The following SLC31A1 variants were observed in gnomAD, a reference collection of about 807,000 sequenced individuals.
The protein encoded by SLC31A1 is high affinity copper uptake protein 1.
Under a neutral mutation model 17.2 loss-of-function variants are expected in SLC31A1, and 5 were observed. That is an observed-to-expected ratio of 0.29 (90% CI 0.15 to 0.61). The LOEUF (loss-of-function observed/expected upper bound fraction) is 0.61. Ranked by LOEUF, SLC31A1 falls within the 20% of genes least tolerant of loss-of-function variation. The pLI, the probability that SLC31A1 is intolerant of heterozygous loss-of-function variation, is 0.86. For synonymous variants in SLC31A1, 76 were observed against 78.8 expected (o/e 0.96, Z 0.19); for missense variants, 161 against 241.4 (o/e 0.67, Z 2.21).
chr9:113,245,304 TCTCAAA>T lies in SLC31A1; in HGVS notation c.-35-10806_-35-10801del, dbSNP rs1831564676. On this transcript the variant is annotated intron_variant, in intron 1 of 4. Coordinates refer to ENST00000374212, the MANE Select transcript of SLC31A1 (RefSeq NM_001859.4). ...GGTTTCACCATGTTGGCCAGGCAGTTCTCAAACTCCTGACCTCAAGTGATCTACCCA... is the reference window on the plus strand; with the variant it reads ...GGTTTCACCATGTTGGCCAGGCAGTTCTCCTGACCTCAAGTGATCTACCCA... 5.3e-5 allele frequency among the ~76,000 whole-genome samples: 8 copies of T among 152,242 alleles called. No individual in the cohort carries two copies. The South Asian group carries it at 1.7e-3, about 32-fold the overall frequency.
Position 113,258,799 on chromosome 9 carries a change from A to G in SLC31A1, c.308A>G (p.Tyr103Cys), listed in dbSNP as rs375955349. 3.1e-6 allele frequency: 5 copies of G among 1,614,138 alleles called. No individual in the cohort carries two copies. In the African/African-American group the frequency reaches 4.0e-5, roughly 13 times the overall value. Reference sequence around the variant, plus strand: ...CGTAAGTCACAAGTCAGCATTCGCTACAATTCCATGCCTGTCCCAGGACCA... The same window carrying G: ...CGTAAGTCACAAGTCAGCATTCGCTGCAATTCCATGCCTGTCCCAGGACCA... ...LLRKSQVSIR[Y>C]NSMPVPGPNG... is the part of the protein sequence containing the mutation. Residue 103 changes from tyrosine to cysteine, a missense_variant, in exon 4 of 5, where the codon TAC (tyrosine) becomes TGC (cysteine). Transcript: ENST00000374212. This position sits in a 1 kb window ranked among gnomAD's most constrained non-coding sequence, Gnocchi z 4.8.
At chr9:113,235,224 A>T (rs1018759662) in intron 1 of SLC31A1, among the ~76,000 whole-genome samples, 3 of 152,220 alleles carry the variant, frequency 2.0e-5, no homozygotes, top group African/African-American at 7.2e-5. Flanking sequence ...CAATACATGT[A>T]TGAAAAAGTT....
chr9:113,255,626 G>A (rs1261218309), intron 1 of SLC31A1, among the ~76,000 whole-genome samples: 1 of 152,040 alleles, frequency 6.6e-6, no homozygotes, highest in Non-Finnish European at 1.5e-5. Flanking sequence ...TGAGGTTGAG[G>A]CTGTGGTGAG....
intron 1 of SLC31A1, among the ~76,000 whole-genome samples, chr9:113,232,922 A>G (rs1445369823): frequency 6.6e-6 from 1 of 152,186 alleles, no homozygotes; most frequent in Non-Finnish European, 1.5e-5. Flanking sequence ...GATTTGAGGA[A>G]TTGCACTTAT....
chr9:113,245,970 C>T (rs1831573390), intron 1 of SLC31A1, among the ~76,000 whole-genome samples: 1 of 151,784 alleles, frequency 6.6e-6, no homozygotes, highest in East Asian at 1.9e-4. Flanking sequence ...ATCAAGGTCT[C>T]CCCTTTGTTT....
intron 1 of SLC31A1, among the ~76,000 whole-genome samples, chr9:113,242,120 C>T (rs910414264): frequency 6.6e-6 from 1 of 151,888 alleles, no homozygotes; most frequent in Non-Finnish European, 1.5e-5. Flanking sequence ...ACCCGGGAGG[C>T]GGAGCTTGCG....
At chr9:113,235,896 G>A (rs971413362) in intron 1 of SLC31A1, among the ~76,000 whole-genome samples, 6 of 152,252 alleles carry the variant, frequency 3.9e-5, no homozygotes, top group Non-Finnish European at 7.3e-5. Context: ...AATATGAACA[G>A]TATGTTCTGG....
chr9:113,259,787 T>C (rs1564221686), intron 4 of SLC31A1, among the ~76,000 whole-genome samples: 1 of 151,986 alleles, frequency 6.6e-6, no homozygotes, highest in Non-Finnish European at 1.5e-5. Flanking sequence ...GGTTTCGCCA[T>C]GTTGCCCAGG....
In SLC31A1 at chr9:113,258,550, C is replaced by A; in HGVS notation, c.203-144C>A. On this transcript the variant is annotated intron_variant, in intron 3 of 4. Coordinates refer to ENST00000374212, the MANE Select transcript of SLC31A1 (RefSeq NM_001859.4). The surrounding 1 kb of genome is among the most constrained non-coding windows in gnomAD (Gnocchi z 4.8). ...TACACCATCTTAGCCGTTCTCCTATCTGAGCAAGAGAAGAGGTAAAAATAT... is the reference window on the plus strand; with the variant it reads ...TACACCATCTTAGCCGTTCTCCTATATGAGCAAGAGAAGAGGTAAAAATAT... 1 of 836,316 alleles carries A rather than the reference C, an allele frequency of 1.2e-6. No homozygotes were observed. Among genetic ancestry groups the A allele is most frequent in the Non-Finnish European group, 2.0e-6 (1 of 504,436 alleles). The allele number at this position is 836,316 out of a possible 1,614,324, so 51.8% of individuals were successfully genotyped here.
chr9:113,240,972 C>T (rs1317071897), intron 1 of SLC31A1, among the ~76,000 whole-genome samples: 2 of 151,302 alleles, frequency 1.3e-5, no homozygotes, highest in African/African-American at 4.9e-5. Context: ...ATCGCTTGAA[C>T]CCAGGAGGTG....
chr9:113,239,854 G>A (rs956698357), intron 1 of SLC31A1, among the ~76,000 whole-genome samples: 1 of 152,248 alleles, frequency 6.6e-6, no homozygotes, highest in African/African-American at 2.4e-5. Context: ...AAAGTGTTGG[G>A]ATTACAGGCG....
intron 1 of SLC31A1, among the ~76,000 whole-genome samples, chr9:113,248,827 C>G (rs1831614174): frequency 6.6e-6 from 1 of 152,068 alleles, no homozygotes; most frequent in African/African-American, 2.4e-5. Flanking sequence ...AGCTAACAGA[C>G]AAGTCAAGGG....
intron 1 of SLC31A1, among the ~76,000 whole-genome samples, chr9:113,222,590 C>T (rs1189831826): frequency 1.3e-5 from 2 of 152,282 alleles, no homozygotes; most frequent in Non-Finnish European, 2.9e-5. Flanking sequence ...ACAGGTGTCC[C>T]TTACGTGAAT....
chr9:113,255,749 TAC>T (rs1426309794), intron 1 of SLC31A1: 1 of 160,870 alleles, frequency 6.2e-6, no homozygotes, highest in Non-Finnish European at 1.4e-5. Flanking sequence ...CCCTTTCTGC[TAC>T]AGTCTCCAAA....
chr9:113,226,910 T>G (rs1377452555), intron 1 of SLC31A1, among the ~76,000 whole-genome samples: 1 of 152,182 alleles, frequency 6.6e-6, no homozygotes, highest in African/African-American at 2.4e-5. Flanking sequence ...TACACCCGCA[T>G]CCTCTCTCCT....
rs532495189 is a variant in SLC31A1 at position 113,263,875 on chromosome 9, G to C, written c.*3402G>C. The C allele has an allele frequency of 1.3e-5, 2 of 152,222 alleles. No individual in the cohort carries two copies. The highest frequency in any genetic ancestry group is 2.9e-5 in the Non-Finnish European group (2 of 68,048). The allele number at this position is 152,222 out of a possible 1,614,324, so 9.4% of individuals were successfully genotyped here. A position where few individuals can be genotyped will look rare whatever the true frequency, so the allele number is the denominator to read the frequency against. ...GTTTCTTCACTACTTCTATGGTAGG[G>C]TTGTCTGAAATTCCCTTTCAGGCTG... On this transcript the variant is annotated 3_prime_UTR_variant, in exon 5 of 5. Coordinates refer to ENST00000374212, the MANE Select transcript of SLC31A1 (RefSeq NM_001859.4).
At chr9:113,222,105 A>G (rs936908081) in intron 1 of SLC31A1, among the ~76,000 whole-genome samples, 4 of 152,204 alleles carry the variant, frequency 2.6e-5, no homozygotes, top group Non-Finnish European at 5.9e-5. Context: ...TTGATTCAGG[A>G]CATAGTGAGC....
chr9:113,248,057 G>A (rs549228368), intron 1 of SLC31A1, among the ~76,000 whole-genome samples: 9 of 152,174 alleles, frequency 5.9e-5, no homozygotes, highest in East Asian at 3.9e-4. Context: ...GGTGGCTCAC[G>A]CCTGTAATCC....
At chr9:113,251,987 A>G (rs1831659388) in intron 1 of SLC31A1, among the ~76,000 whole-genome samples, 1 of 152,236 alleles carries the variant, frequency 6.6e-6, no homozygotes, top group Admixed American at 6.5e-5. Context: ...GAGCAAGTAG[A>G]TTCTGCTCTT....
Sources: allele counts gnomAD v4.1 joint callset (sites outside exome capture counted in the v4.1 genomes callset), GRCh38; gene constraint gnomAD v4.1.1; non-coding constraint Gnocchi (gnomAD v3.1); transcripts MANE v1.5; gene names NCBI Gene and HGNC (gene_info 2026-07-23, HGNC 2026-07-21).